PTBP2: variants seen among roughly 807,000 people sequenced by gnomAD.
The protein encoded by PTBP2 is polypyrimidine tract-binding protein 2.
Under a neutral mutation model 61.4 loss-of-function variants are expected in PTBP2, and 13 were observed. That is an observed-to-expected ratio of 0.21 (90% CI 0.14 to 0.34). The LOEUF is 0.34. PTBP2 is among the 10% of genes least tolerant of loss of function. The pLI is 1.00. For synonymous variants in PTBP2, 215 were observed against 218.5 expected, an observed-to-expected ratio of 0.98 and a Z score of 0.14; for missense variants, 405 against 642.6, an observed-to-expected ratio of 0.63 and a Z score of 4.00.
intron 2 of PTBP2, among the ~76,000 whole-genome samples, chr1:96,729,255 C>G (rs1651031156): frequency 1.3e-5 from 2 of 152,178 alleles, no homozygotes; most frequent in Admixed American, 1.3e-4. Flanking sequence ...CTCCTGACCT[C>G]AAGTGATACA....
intron 7 of PTBP2, among the ~76,000 whole-genome samples, chr1:96,781,734 TTC>T (rs1658694091): frequency 6.6e-6 from 1 of 152,036 alleles, no homozygotes; most frequent in Non-Finnish European, 1.5e-5. Flanking sequence ...GGACTGTAAG[TTC>T]TGAGTACCAT....
Position 96,813,573 on chromosome 1 carries a change from A to G in PTBP2, c.*168A>G. On this transcript the variant is annotated 3_prime_UTR_variant, in exon 14 of 14. Transcript: ENST00000674951. ...TTCCTTGGTTATAAAATGAAATGGC[A>G]TATGTAAAGGCAGAGTTGTTAACTG... 1 of 559,000 alleles carries G rather than the reference A, an allele frequency of 1.8e-6. No homozygotes were observed. The highest frequency in any genetic ancestry group is 5.6e-5 in the South Asian group (1 of 17,824). The allele number at this position is 559,000 out of a possible 1,614,324, so 34.6% of individuals were successfully genotyped here.
intron 3 of PTBP2, among the ~76,000 whole-genome samples, chr1:96,762,370 G>T (rs1211549199): frequency 6.6e-6 from 1 of 150,388 alleles, no homozygotes; most frequent in East Asian, 2.0e-4. Context: ...TCACCTCCCG[G>T]ATGGGGCGGC....
At chr1:96,775,306 A>C (rs771711059) in intron 5 of PTBP2, among the ~76,000 whole-genome samples, 2 of 152,256 alleles carry the variant, frequency 1.3e-5, no homozygotes, top group Non-Finnish European at 2.9e-5. Context: ...ACCTGAGAAC[A>C]TGTACATAGG....
chr1:96,764,839 T>TG (rs1356311086), intron 3 of PTBP2, among the ~76,000 whole-genome samples: 1 of 152,212 alleles, frequency 6.6e-6, no homozygotes, highest in East Asian at 1.9e-4. Flanking sequence ...ATAAAGGTAG[T>TG]GAGAGCCTTC....
At chr1:96,724,740 A>T (rs1262794256) in intron 2 of PTBP2, among the ~76,000 whole-genome samples, 1 of 151,580 alleles carries the variant, frequency 6.6e-6, no homozygotes, top group East Asian at 1.9e-4. Flanking sequence ...TAGCTTTAGG[A>T]GATATACCTA....
intron 1 of PTBP2, among the ~76,000 whole-genome samples, chr1:96,722,145 G>C (rs1463523594): frequency 6.6e-6 from 1 of 152,136 alleles, no homozygotes; most frequent in Non-Finnish European, 1.5e-5. Context: ...CCGGCTTGGC[G>C]GCGGGGGATG....
intron 2 of PTBP2, among the ~76,000 whole-genome samples, chr1:96,726,053 CG>C (rs1650419267): frequency 2.7e-5 from 3 of 109,132 alleles, no homozygotes; most frequent in Non-Finnish European, 5.1e-5. Context: ...CCAGCCTGGG[CG>C]ACAGAGACAG....
At chr1:96,766,019 G>A (rs924157075) in intron 3 of PTBP2, among the ~76,000 whole-genome samples, 53 of 152,106 alleles carry the variant, frequency 3.5e-4, no homozygotes, top group African/African-American at 1.3e-3. Flanking sequence ...GATCCTTGCC[G>A]ACACCCATTT....
At chr1:96,804,289 A>T (rs1007015604) in intron 8 of PTBP2, among the ~76,000 whole-genome samples, 22 of 152,180 alleles carry the variant, frequency 1.4e-4, no homozygotes, top group Admixed American at 2.0e-4. Context: ...TTAAATAATG[A>T]TGTTCAGAGT....
At chr1:96,724,430 G>C (rs1650084608) in intron 2 of PTBP2, among the ~76,000 whole-genome samples, 1 of 151,808 alleles carries the variant, frequency 6.6e-6, no homozygotes, top group African/African-American at 2.4e-5. Flanking sequence ...TGTATTTTTA[G>C]TAGAAATGGC....
At chr1:96,789,448 T>A (rs1659554468) in intron 8 of PTBP2, among the ~76,000 whole-genome samples, 1 of 152,038 alleles carries the variant, frequency 6.6e-6, no homozygotes, top group Non-Finnish European at 1.5e-5. Context: ...ATTCCTATGT[T>A]TTTAGGATCT....
At position 96,812,481 on chromosome 1, in the gene PTBP2, A is replaced by T. The variant is rs999117759; in HGVS notation, c.1172-231A>T. Among the ~76,000 whole-genome samples the T allele has an allele frequency of 1.3e-5, 2 of 152,158 alleles. 1 individual carries two copies. The highest frequency in any genetic ancestry group is 6.3e-3 in the Middle Eastern group (2 of 316). On this transcript the variant is annotated intron_variant, in intron 11 of 13. Transcript: ENST00000674951. ...TTAGCAGGATTGTTGAGGAAGATAGATATTCATAATCTGGATTTTCATTCT... is the reference window on the plus strand; with the variant it reads ...TTAGCAGGATTGTTGAGGAAGATAGTTATTCATAATCTGGATTTTCATTCT...
chr1:96,762,603 TC>T (rs1557722989), intron 3 of PTBP2, among the ~76,000 whole-genome samples: 1 of 115,430 alleles, frequency 8.7e-6, no homozygotes, highest in East Asian at 2.7e-4. Context: ...GCTCCTCACT[TC>T]CCAGTAGGGG....
At chr1:96,734,908 T>A (rs1173616746) in intron 2 of PTBP2, among the ~76,000 whole-genome samples, 1 of 148,850 alleles carries the variant, frequency 6.7e-6, no homozygotes, top group Non-Finnish European at 1.5e-5. Flanking sequence ...TTTTTCTTTT[T>A]TTTTTTTTTT....
At chr1:96,780,974 G>A (rs1479572452) in intron 7 of PTBP2, among the ~76,000 whole-genome samples, 1 of 151,894 alleles carries the variant, frequency 6.6e-6, no homozygotes, top group Non-Finnish European at 1.5e-5. Flanking sequence ...TGTTGAATCT[G>A]GCCTTTTTTC....
chr1:96,771,774 A>AT (rs1657410754), intron 5 of PTBP2, among the ~76,000 whole-genome samples: 4 of 152,100 alleles, frequency 2.6e-5, no homozygotes, highest in African/African-American at 7.2e-5. Flanking sequence ...TATGGTGTAC[A>AT]ATGTGATGTT....
chr1:96,789,209 A>G (rs1009717737), intron 8 of PTBP2, among the ~76,000 whole-genome samples: 3 of 151,774 alleles, frequency 2.0e-5, no homozygotes, highest in Non-Finnish European at 4.4e-5. Flanking sequence ...TTGTATTTCA[A>G]ATTGAATAAC....
In PTBP2 at chr1:96,804,940, G is replaced by GT; in HGVS notation, c.1044+3dup. 1 of 1,573,308 alleles carries GT rather than the reference G, an allele frequency of 6.4e-7. No individual in the cohort carries two copies. The highest frequency in any genetic ancestry group is 1.2e-5 in the South Asian group (1 of 85,664). ...GTTGGTTAGCAATTTAAATGAAGAG[G>GT]TTAGTAAAATAATCTCTAATGTTTA... is the stretch of plus-strand genomic sequence containing the variant. On this transcript the variant is annotated splice_donor_variant, in intron 9 of 13. Transcript: ENST00000674951. LOFTEE classifies it high-confidence loss of function.
Sources: allele counts gnomAD v4.1 joint callset (sites outside exome capture counted in the v4.1 genomes callset), GRCh38; gene constraint gnomAD v4.1.1; transcripts MANE v1.5; gene names NCBI Gene and HGNC (gene_info 2026-07-23, HGNC 2026-07-21).